SNX25: variants seen among roughly 807,000 people sequenced by gnomAD.
The protein encoded by SNX25 is sorting nexin 25.
A neutral mutation model predicts 113.7 loss-of-function variants in SNX25; 62 were observed. The observed-to-expected ratio is 0.55, with a 90% CI of 0.44 to 0.67. The LOEUF (loss-of-function observed/expected upper bound fraction) is 0.67. Ranked by LOEUF, SNX25 falls within the 30% of genes least tolerant of loss-of-function variation. The pLI is 0.00. For synonymous variants in SNX25, 421 were observed against 436.2 expected, an observed-to-expected ratio of 0.97 and a Z score of 0.43; for missense variants, 1,014 against 1,161.0, an observed-to-expected ratio of 0.87 and a Z score of 1.84.
At chr4:185,231,031 C>G (rs1283341174) in intron 1 of SNX25, among the ~76,000 whole-genome samples, 1 of 151,936 alleles carries the variant, frequency 6.6e-6, no homozygotes, top group Non-Finnish European at 1.5e-5. Context: ...TTGCTCAGTC[C>G]TCTCTACTTA....
chr4:185,256,880 T>G (rs1294560426), intron 2 of SNX25, among the ~76,000 whole-genome samples: 1 of 152,040 alleles, frequency 6.6e-6, no homozygotes, highest in Non-Finnish European at 1.5e-5. Flanking sequence ...CACCTCGGCC[T>G]CCCAAAGTTC....
intron 1 of SNX25, among the ~76,000 whole-genome samples, chr4:185,218,109 G>C (rs1270014332): frequency 6.6e-6 from 1 of 152,072 alleles, no homozygotes. Context: ...TTTTGAGGCG[G>C]AGTCTGGCTC....
downstream of SNX25, chr4:185,365,687 A>AT (rs1554015776): frequency 1.7e-4 from 24 of 144,932 alleles, no homozygotes; most frequent in Middle Eastern, 3.6e-3. Context: ...CTCAAAAAAA[A>AT]AAAAATAATA....
At chr4:185,331,738 G>A (rs1228257176) in intron 9 of SNX25, among the ~76,000 whole-genome samples, 1 of 152,118 alleles carries the variant, frequency 6.6e-6, no homozygotes, top group African/African-American at 2.4e-5. Context: ...CTGAGATCAC[G>A]CCACTGCACT....
rs769309320 is a variant in SNX25 at position 185,332,743 on chromosome 4, C to G, written c.1898C>G (p.Pro633Arg). ...GCTCTAAATTCTATTCAAAATGCAC[C>G]AAAACCTGACAAGAAGGTAACTCTT... ...RQALNSIQNA[P>R]KPDKKIVSKL... The change falls in exon 10 of 19, where the codon CCA becomes CGA. Residue 633 changes from proline to arginine, a missense_variant. Pro to Arg is a moderately radical substitution (Grantham distance 103). Transcript: ENST00000652585. The G allele has an allele frequency of 5.0e-6, 8 of 1,613,040 alleles. No individual in the cohort carries two copies. The highest frequency in any genetic ancestry group is 1.7e-5 in the Admixed American group (1 of 59,982).
At chr4:185,286,978 A>G (rs747360371) in intron 5 of SNX25, among the ~76,000 whole-genome samples, 1 of 152,240 alleles carries the variant, frequency 6.6e-6, no homozygotes, top group African/African-American at 2.4e-5. Flanking sequence ...ATTAAATCTT[A>G]GAACACTGCA....
At chr4:185,367,121 A>G, downstream of SNX25, 1 of 1,406,846 alleles carries the variant, frequency 7.1e-7, no homozygotes, top group Admixed American at 1.8e-5. Flanking sequence ...TAGCTACTGT[A>G]AAAATACACA....
chr4:185,296,857 T>A (rs1039810002), intron 6 of SNX25, among the ~76,000 whole-genome samples: 1 of 152,238 alleles, frequency 6.6e-6, no homozygotes, highest in African/African-American at 2.4e-5. Flanking sequence ...GGCCTAAAAT[T>A]TACCCACTGA....
At chr4:185,374,479 GC>G, downstream of SNX25, 1 of 1,601,180 alleles carries the variant, frequency 6.2e-7, no homozygotes, top group Non-Finnish European at 8.5e-7. Flanking sequence ...AAAAGAAAGA[GC>G]AAAAAAACCC....
intron 1 of SNX25, among the ~76,000 whole-genome samples, chr4:185,244,794 A>G (rs1744588385): frequency 6.6e-6 from 1 of 152,240 alleles, no homozygotes; most frequent in Non-Finnish European, 1.5e-5. Context: ...GTTTTAAAAA[A>G]AAATTCCACT....
chr4:185,269,860 C>A (rs1431582930), intron 5 of SNX25, among the ~76,000 whole-genome samples: 1 of 152,072 alleles, frequency 6.6e-6, no homozygotes, highest in Non-Finnish European at 1.5e-5. Flanking sequence ...CAGGCGAGCT[C>A]CTGATTTTTT....
downstream of SNX25, chr4:185,373,139 ATAC>A: frequency 6.9e-7 from 1 of 1,439,938 alleles, no homozygotes; most frequent in Non-Finnish European, 9.7e-7. Flanking sequence ...TTATAAGGGA[ATAC>A]TAGACAGAAA....
chr4:185,338,923 T>G (rs1394269080), intron 10 of SNX25, among the ~76,000 whole-genome samples: 1 of 152,238 alleles, frequency 6.6e-6, no homozygotes, highest in African/African-American at 2.4e-5. Context: ...CTTCGTTCTC[T>G]TCAAAATTGT....
At chr4:185,240,441 AG>A (rs1007817400) in intron 1 of SNX25, among the ~76,000 whole-genome samples, 2 of 143,104 alleles carry the variant, frequency 1.4e-5, no homozygotes, top group East Asian at 2.2e-4. Flanking sequence ...GGCCGGGCAG[AG>A]GGGCTCCTCT....
intron 1 of SNX25, among the ~76,000 whole-genome samples, chr4:185,213,528 C>T (rs919353150): frequency 3.3e-5 from 5 of 152,168 alleles, no homozygotes; most frequent in African/African-American, 1.2e-4. Flanking sequence ...CTGTGATGCT[C>T]TAGGGCCAGC....
At chr4:185,271,603 A>T (rs2126562575) in intron 5 of SNX25, among the ~76,000 whole-genome samples, 1 of 152,328 alleles carries the variant, frequency 6.6e-6, no homozygotes, top group Non-Finnish European at 1.5e-5. Context: ...TTCTGGTACA[A>T]TTATAGTACT....
chr4:185,345,786 T>C (rs2095282961), intron 12 of SNX25, among the ~76,000 whole-genome samples: 1 of 150,980 alleles, frequency 6.6e-6, no homozygotes, highest in Admixed American at 6.6e-5. Flanking sequence ...TGAGACCCTG[T>C]TTCAAAAAAA....
intron 1 of SNX25, among the ~76,000 whole-genome samples, chr4:185,219,134 C>T (rs1269399509): frequency 1.3e-5 from 2 of 152,202 alleles, no homozygotes; most frequent in Admixed American, 6.5e-5. Flanking sequence ...GTACTCCTGT[C>T]TCAGTCCTCC....
At chr4:185,260,565 A>G (rs866620058) in intron 3 of SNX25, among the ~76,000 whole-genome samples, 2 of 152,216 alleles carry the variant, frequency 1.3e-5, no homozygotes, top group African/African-American at 2.4e-5. Context: ...CATCGTATCT[A>G]TTGGTATTTA....
Sources: gnomAD v4.1 joint callset for allele counts (sites outside exome capture counted in the v4.1 genomes callset) on GRCh38, gnomAD v4.1.1 for gene constraint, MANE v1.5 for transcripts, NCBI Gene and HGNC (gene_info 2026-07-23, HGNC 2026-07-21) for gene names.